Variants in SEC22C observed in about 807,000 individuals in gnomAD.
The protein encoded by SEC22C is vesicle-trafficking protein SEC22c.
SEC22C carries 29 observed loss-of-function variants against 34.7 expected under a neutral mutation model. The ratio of observed to expected loss-of-function variants is 0.84; its 90% CI spans 0.62 to 1.14. The LOEUF (loss-of-function observed/expected upper bound fraction) is 1.14. Among genes scored for constraint, SEC22C ranks in the 50% most tolerant of loss-of-function variants. SEC22C has a pLI of 0.00. For synonymous variants in SEC22C, 117 were observed against 132.8 expected, an observed-to-expected ratio of 0.88 and a Z score of 0.82; for missense variants, 337 against 369.0, an observed-to-expected ratio of 0.91 and a Z score of 0.71.
At chr3:42,583,249 G>A (rs997057941), upstream of SEC22C, among the ~76,000 whole-genome samples, 1 of 152,234 alleles carries the variant, frequency 6.6e-6, no homozygotes, top group African/African-American at 2.4e-5. Context: ...CTGGGAGCCA[G>A]TGCAGTCATC....
chr3:42,563,879 G>T, intron 2 of SEC22C, 193 bp from the exon 3 acceptor site: 1 of 1,473,396 alleles, frequency 6.8e-7, no homozygotes, highest in Non-Finnish European at 9.0e-7. Context: ...CCTTTAAAAT[G>T]TCTAGTAGTC....
At chr3:42,599,610 T>C (rs1285925167) in intron 1 of SEC22C, among the ~76,000 whole-genome samples, 5 of 149,536 alleles carry the variant, frequency 3.3e-5, no homozygotes, top group Admixed American at 6.6e-5. Flanking sequence ...GAGAATGGCG[T>C]GAACCCGGGA....
upstream of SEC22C, among the ~76,000 whole-genome samples, chr3:42,585,483 T>G (rs534152372): frequency 1.3e-5 from 2 of 152,368 alleles, no homozygotes; most frequent in East Asian, 3.9e-4. Context: ...CTTCTGCTAT[T>G]CTCTGAATTC....
At chr3:42,590,866 C>G (rs1250368042) in intron 1 of SEC22C, 1 of 1,612,532 alleles carries the variant, frequency 6.2e-7, no homozygotes, top group East Asian at 2.2e-5. Flanking sequence ...GGTCGAGTTG[C>G]TTGGCGGTCG....
chr3:42,562,105 C>T (rs1702955840), intron 3 of SEC22C, among the ~76,000 whole-genome samples: 1 of 152,056 alleles, frequency 6.6e-6, no homozygotes, highest in Non-Finnish European at 1.5e-5. Flanking sequence ...TAGTATAAAT[C>T]CATTATCACA....
intron 1 of SEC22C, among the ~76,000 whole-genome samples, chr3:42,576,156 A>G (rs1339203018): frequency 6.6e-6 from 1 of 152,222 alleles, no homozygotes; most frequent in Non-Finnish European, 1.5e-5. Flanking sequence ...AATACATTGA[A>G]CTAGATGAAA....
At chr3:42,559,405 A>G (rs1408156724) in intron 4 of SEC22C, among the ~76,000 whole-genome samples, 1 of 152,232 alleles carries the variant, frequency 6.6e-6, no homozygotes, top group Non-Finnish European at 1.5e-5. Flanking sequence ...AAAAAACAAA[A>G]CATACATTAC....
At chr3:42,600,861 C>T in intron 1 of SEC22C, 1 of 552,670 alleles carries the variant, frequency 1.8e-6, no homozygotes, top group Non-Finnish European at 2.9e-6. Context: ...TGGCCTCCTG[C>T]GCTGTCGCGA....
chr3:42,598,668 T>C (rs1457989930), intron 1 of SEC22C, among the ~76,000 whole-genome samples: 1 of 151,664 alleles, frequency 6.6e-6, no homozygotes, highest in African/African-American at 2.4e-5. Context: ...CACATATGAG[T>C]AGACAAATAC....
chr3:42,581,936 G>A lies in SEC22C; in HGVS notation c.-118C>T, dbSNP rs1304515724. ...TAGCCGACCGGGAGGGCTCGGCCCA[G>A]GTCACCGGCAGCCCAGGCGCAGGTA... On this transcript the variant is annotated 5_prime_UTR_variant, in exon 1 of 7. Coordinates refer to ENST00000264454, the MANE Select transcript of SEC22C (RefSeq NM_032970.4). The A allele has an allele frequency of 1.3e-5, 2 of 152,348 alleles. No individual in the cohort carries two copies. The highest frequency in any genetic ancestry group is 1.3e-4 in the Admixed American group (2 of 15,280). The allele number at this position is 152,348 out of a possible 1,614,324, so 9.4% of individuals were successfully genotyped here.
chr3:42,597,543 G>A (rs1254961273), intron 1 of SEC22C, among the ~76,000 whole-genome samples: 1 of 148,704 alleles, frequency 6.7e-6, no homozygotes, highest in Non-Finnish European at 1.5e-5. Flanking sequence ...GCGACGGAGC[G>A]AGACTTTGTC....
At chr3:42,566,692 AAAAT>A in intron 2 of SEC22C, 1 of 180,848 alleles carries the variant, frequency 5.5e-6, no homozygotes. Flanking sequence ...AAAAAAAAAA[AAAAT>A]TTACTATTCA....
intron 1 of SEC22C, 145 bp downstream of exon 1, chr3:42,581,701 T>C (rs1397296903): frequency 6.6e-6 from 1 of 152,510 alleles, no homozygotes; most frequent in Admixed American, 6.5e-5. Context: ...TGAAGCCCCG[T>C]GGGGAGCCCC....
rs1559505117 is a variant in SEC22C, at chr3:42,548,486, C to G, written c.*4762G>C. On this transcript the variant is annotated 3_prime_UTR_variant, in exon 7 of 7. Transcript: ENST00000264454. ...AGATGTTTCCGAATCCAGCCATTCCCAGATTTCACTGACATGCCCTTTTCC... is the reference window on the plus strand; with the variant it reads ...AGATGTTTCCGAATCCAGCCATTCCGAGATTTCACTGACATGCCCTTTTCC... The G allele has an allele frequency of 9.6e-7, 1 of 1,041,122 alleles. No individual in the cohort carries two copies. Among genetic ancestry groups the G allele is most frequent in the Non-Finnish European group, 1.4e-6 (1 of 691,150 alleles). 64.5% of individuals were successfully genotyped at this position (1,041,122 alleles called of 1,614,324 possible).
intron 3 of SEC22C, among the ~76,000 whole-genome samples, chr3:42,563,056 G>C (rs925457): frequency 6.6e-6 from 1 of 152,096 alleles, no homozygotes; most frequent in African/African-American, 2.4e-5. Flanking sequence ...TGGGGCAGGG[G>C]TCAACAAAAG....
intron 1 of SEC22C, chr3:42,594,747 T>G: frequency 2.9e-6 from 1 of 350,202 alleles, no homozygotes; most frequent in South Asian, 4.8e-5. Context: ...TGAGCCCAGG[T>G]GTCCTCTTTC....
At chr3:42,563,849 A>C in intron 2 of SEC22C, 163 bp from the exon 3 acceptor site, 1 of 1,513,970 alleles carries the variant, frequency 6.6e-7, no homozygotes, top group Non-Finnish European at 8.9e-7. Context: ...CCTATTCCTG[A>C]GACTGTCTTT....
intron 1 of SEC22C, among the ~76,000 whole-genome samples, chr3:42,569,644 A>T (rs886323249): frequency 6.6e-6 from 1 of 152,226 alleles, no homozygotes; most frequent in African/African-American, 2.4e-5. Context: ...AAACCTCTAG[A>T]TCATGTCCTT....
chr3:42,597,688 T>C (rs1041083237), intron 1 of SEC22C, among the ~76,000 whole-genome samples: 2 of 151,992 alleles, frequency 1.3e-5, no homozygotes, highest in African/African-American at 2.4e-5. Flanking sequence ...CACAAACTCA[T>C]AAACTTTCAA....
Sources: gnomAD v4.1 joint callset for allele counts (sites outside exome capture counted in the v4.1 genomes callset) on GRCh38, gnomAD v4.1.1 for gene constraint, MANE v1.5 for transcripts, NCBI Gene and HGNC (gene_info 2026-07-23, HGNC 2026-07-21) for gene names.